Variants in TENM3 observed in about 807,000 individuals in gnomAD.
TENM3 encodes the protein teneurin-3.
A neutral mutation model predicts 255.1 loss-of-function variants in TENM3; 63 were observed. That is an observed-to-expected ratio of 0.25 (90% CI 0.20 to 0.30). The LOEUF is 0.30. Ranked by LOEUF, TENM3 falls within the 10% of genes least tolerant of loss-of-function variation. The probability of loss-of-function intolerance (pLI) is 1.00; values close to 1 mark genes in which losing one functional copy is unlikely to be tolerated. For synonymous variants in TENM3, 1,306 were observed against 1,322.3 expected, an observed-to-expected ratio of 0.99 and a Z score of 0.27; for missense variants, 2,929 against 3,461.1, an observed-to-expected ratio of 0.85 and a Z score of 3.86.
At chr4:181,490,877 A>T in the TENM3 span, among the ~76,000 whole-genome samples, 1 of 152,156 alleles carries the variant, frequency 6.6e-6, no homozygotes, top group Non-Finnish European at 1.5e-5. Context: ...ATCTGTCTTC[A>T]GATTTTTCAA....
intron 23 of TENM3, among the ~76,000 whole-genome samples, chr4:182,774,593 A>G (rs1169974541): frequency 6.6e-6 from 1 of 152,200 alleles, no homozygotes; most frequent in Non-Finnish European, 1.5e-5. Flanking sequence ...GAGAGATCAC[A>G]TATGTGCCTC....
chr4:181,762,986 A>G, the TENM3 span, among the ~76,000 whole-genome samples: 1 of 152,208 alleles, frequency 6.6e-6, no homozygotes, highest in Non-Finnish European at 1.5e-5. Context: ...AAAAATTCAC[A>G]TAATGGAAAA....
At chr4:182,511,501 T>G (rs560780738) in intron 3 of TENM3, among the ~76,000 whole-genome samples, 15 of 152,320 alleles carry the variant, frequency 9.8e-5, no homozygotes, top group Non-Finnish European at 1.6e-4. Flanking sequence ...CTGCTTCAAC[T>G]AAAAAGATGA....
At chr4:181,912,933 T>C in the TENM3 span, among the ~76,000 whole-genome samples, 1 of 152,108 alleles carries the variant, frequency 6.6e-6, no homozygotes, top group African/African-American at 2.4e-5. Flanking sequence ...CTGAAGTCAA[T>C]GAGCTGGCAG....
At chr4:182,723,492 G>C (rs1441780589) in intron 13 of TENM3, among the ~76,000 whole-genome samples, 1 of 152,138 alleles carries the variant, frequency 6.6e-6, no homozygotes. Flanking sequence ...GAAAATTCAT[G>C]ACTTTTTGTC....
chr4:182,792,915 T>A lies in TENM3; in HGVS notation c.6243T>A (p.Phe2081Leu), dbSNP rs1254530797. The A allele has an allele frequency of 1.2e-6, 2 of 1,613,914 alleles. No individual in the cohort carries two copies. The highest frequency in any genetic ancestry group is 3.3e-5 in the Admixed American group (2 of 60,014). ...CTGTAATGACCTATACGAAGCACTT[T>A]GATGCTCATGGCCGTATCAAGGAGA... Reference protein sequence around the residue: ...STAVMTYTKHFDAHGRIKEIQ... With the variant: ...STAVMTYTKHLDAHGRIKEIQ... Residue 2081 changes from phenylalanine (F) to leucine (L), a missense_variant, in exon 26 of 28, where the codon TTT becomes TTA. Physicochemically the swap from Phe to Leu is conservative, Grantham distance 22. Coordinates refer to ENST00000511685, the MANE Select transcript of TENM3 (RefSeq NM_001080477.4). This position sits in a 1 kb window ranked among gnomAD's most constrained non-coding sequence, Gnocchi z 6.3.
At chr4:181,517,122 A>G in the TENM3 span, among the ~76,000 whole-genome samples, 1 of 151,518 alleles carries the variant, frequency 6.6e-6, no homozygotes, top group African/African-American at 2.4e-5. Context: ...TCCTTAATGA[A>G]TGTAACTAAA....
intron 3 of TENM3, among the ~76,000 whole-genome samples, chr4:182,431,705 A>G (rs1389064156): frequency 3.3e-5 from 5 of 152,138 alleles, no homozygotes; most frequent in Non-Finnish European, 5.9e-5. Flanking sequence ...GTGGCATTTG[A>G]CTTTGGATGT....
At chr4:181,536,216 G>C in the TENM3 span, among the ~76,000 whole-genome samples, 96 of 152,268 alleles carry the variant, frequency 6.3e-4, no homozygotes, top group African/African-American at 2.1e-3. Flanking sequence ...CTAATTAGAT[G>C]CCCATTTTTC....
chr4:181,915,191 A>C, the TENM3 span, among the ~76,000 whole-genome samples: 2 of 152,192 alleles, frequency 1.3e-5, no homozygotes, highest in Non-Finnish European at 2.9e-5. Flanking sequence ...GTGAAGCCAG[A>C]AGGCTGCTTA....
At position 182,728,965 on chromosome 4, in the gene TENM3, A is replaced by G; in HGVS notation, c.2369A>G (p.Asp790Gly). Residue 790 changes from aspartate to glycine, a missense_variant and splice_region_variant, in exon 14 of 28, where the codon GAT becomes GGT. By Grantham distance (94) the Asp-to-Gly change is moderately conservative. Coordinates refer to ENST00000511685, the MANE Select transcript of TENM3 (RefSeq NM_001080477.4). Reference protein sequence around the residue: ...LCTDSKDNEGDGLIDCMDPDC... With the variant: ...LCTDSKDNEGGGLIDCMDPDC... ...TACTGGGGAACATTTCTCTCTACAG[A>G]TGGACTCATTGACTGCATGGATCCC... 1.2e-6 allele frequency: 2 copies of G among 1,613,132 alleles called. No individual in the cohort carries two copies. Among genetic ancestry groups the G allele is most frequent in the Non-Finnish European group, 1.7e-6 (2 of 1,179,300 alleles).
chr4:181,725,598 C>T, the TENM3 span, among the ~76,000 whole-genome samples: 1 of 151,858 alleles, frequency 6.6e-6, no homozygotes, highest in African/African-American at 2.4e-5. Context: ...ACCACCACAC[C>T]CAGCTATTTT....
chr4:181,759,176 T>C, the TENM3 span, among the ~76,000 whole-genome samples: 1 of 151,996 alleles, frequency 6.6e-6, no homozygotes, highest in Non-Finnish European at 1.5e-5. Context: ...AGAAACTTGA[T>C]GAACTCAGCA....
chr4:181,507,438 G>A, the TENM3 span, among the ~76,000 whole-genome samples: 2 of 152,162 alleles, frequency 1.3e-5, no homozygotes, highest in African/African-American at 2.4e-5. Context: ...ATCTGTTTAC[G>A]AAACGATTCC....
intron 4 of TENM3, among the ~76,000 whole-genome samples, chr4:182,620,278 A>C (rs924219964): frequency 3.3e-5 from 5 of 152,214 alleles, no homozygotes; most frequent in African/African-American, 1.2e-4. Context: ...AAATATTTGT[A>C]GAGTCCTAAA....
the TENM3 span, among the ~76,000 whole-genome samples, chr4:181,518,286 T>A: frequency 5.3e-5 from 8 of 151,972 alleles, no homozygotes; most frequent in Admixed American, 5.2e-4. Context: ...ATATGTAAAC[T>A]GTCAGCATGT....
At chr4:181,585,014 A>AAAAT in the TENM3 span, among the ~76,000 whole-genome samples, 1 of 151,228 alleles carries the variant, frequency 6.6e-6, no homozygotes, top group Non-Finnish European at 1.5e-5. Flanking sequence ...AAAAAAAAAA[A>AAAAT]AAAAAATCCT....
chr4:182,099,946 G>A, the TENM3 span, among the ~76,000 whole-genome samples: 5 of 152,138 alleles, frequency 3.3e-5, no homozygotes, highest in African/African-American at 1.2e-4. Context: ...CTTTAGAGCA[G>A]GGCTCAGCAC....
At chr4:182,199,436 A>G (rs1045115602) in intron 1 of TENM3, among the ~76,000 whole-genome samples, 2 of 152,182 alleles carry the variant, frequency 1.3e-5, no homozygotes, top group Non-Finnish European at 2.9e-5. Flanking sequence ...AACAAAAAAA[A>G]GAAGAAACAT....
Sources: allele counts gnomAD v4.1 joint callset (sites outside exome capture counted in the v4.1 genomes callset), GRCh38; gene constraint gnomAD v4.1.1; non-coding constraint Gnocchi (gnomAD v3.1); transcripts MANE v1.5; gene names NCBI Gene and HGNC (gene_info 2026-07-23, HGNC 2026-07-21).